The following CCDC81 variants were observed in gnomAD, a reference collection of about 807,000 sequenced individuals.
The protein encoded by CCDC81 is coiled-coil domain containing 81.
In CCDC81, 79 loss-of-function variants were observed where a neutral mutation model predicts 83.7. The ratio of observed to expected loss-of-function variants is 0.94; its 90% confidence interval spans 0.79 to 1.14. CCDC81 has a LOEUF of 1.14. CCDC81 is among the 50% of genes most tolerant of loss of function. The pLI is 0.00. For synonymous variants in CCDC81, 252 were observed against 278.1 expected, an observed-to-expected ratio of 0.91 and a Z score of 0.93; for missense variants, 791 against 778.1, an observed-to-expected ratio of 1.02 and a Z score of -0.20.
At chr11:86,420,988 A>C (rs747945645) in intron 14 of CCDC81, among the ~76,000 whole-genome samples, 6 of 152,168 alleles carry the variant, frequency 3.9e-5, no homozygotes, top group Non-Finnish European at 5.9e-5. Context: ...AGTTGTGTCT[A>C]GGAAGAGTGC....
intron 6 of CCDC81, among the ~76,000 whole-genome samples, 189 bp from the exon 7 acceptor site, chr11:86,400,489 A>G (rs540828085): frequency 6.6e-6 from 1 of 152,304 alleles, no homozygotes. Flanking sequence ...TGTCCTCTAA[A>G]TGCTTAGCAC....
intron 3 of CCDC81, among the ~76,000 whole-genome samples, chr11:86,392,288 A>T (rs551611594): frequency 1.3e-5 from 2 of 152,344 alleles, no homozygotes; most frequent in East Asian, 3.9e-4. Flanking sequence ...CTACAGTGTT[A>T]TTTAGAAAGC....
intron 3 of CCDC81, among the ~76,000 whole-genome samples, chr11:86,388,215 TC>T (rs1398401911): frequency 7.3e-6 from 1 of 137,662 alleles, no homozygotes; most frequent in Non-Finnish European, 1.6e-5. Context: ...CTTCCCTCCT[TC>T]CTTCCTTCCT....
intron 10 of CCDC81, among the ~76,000 whole-genome samples, chr11:86,409,892 TTAA>T (rs1948617925): frequency 1.3e-5 from 2 of 152,200 alleles, no homozygotes; most frequent in Non-Finnish European, 1.5e-5. Flanking sequence ...GCAGGTCTTG[TTAA>T]TTATGGTAAT....
intron 1 of CCDC81, among the ~76,000 whole-genome samples, chr11:86,381,602 T>C (rs1247918323): frequency 1.3e-5 from 2 of 152,200 alleles, no homozygotes; most frequent in Non-Finnish European, 2.9e-5. Flanking sequence ...GTGAGTCCGT[T>C]TCAGGAAGCC....
intron 4 of CCDC81, among the ~76,000 whole-genome samples, chr11:86,393,554 T>C (rs970378705): frequency 6.6e-6 from 1 of 152,254 alleles, no homozygotes; most frequent in Non-Finnish European, 1.5e-5. Flanking sequence ...TTGCTGGTTC[T>C]ACTATTTTAT....
At chr11:86,398,924 C>T (rs1317193499) in intron 6 of CCDC81, among the ~76,000 whole-genome samples, 7 of 152,146 alleles carry the variant, frequency 4.6e-5, no homozygotes, top group Non-Finnish European at 1.0e-4. Context: ...GCTTGCCAGG[C>T]CACACTTTGA....
In CCDC81 at chr11:86,397,601, A is replaced by G. The variant is rs368937648; in HGVS notation, c.636-20A>G. The G allele has an allele frequency of 6.2e-7, 1 of 1,602,460 alleles. No homozygotes were observed. Among genetic ancestry groups the G allele is most frequent in the African/African-American group, 1.3e-5 (1 of 74,184 alleles). On this transcript the variant is annotated intron_variant, in intron 5 of 14. Coordinates refer to ENST00000445632, the MANE Select transcript of CCDC81 (RefSeq NM_001156474.2). ...TGTTCAGGTTCAGTGCAGCAGAAAA[A>G]CATATTGGCTCATTCCTAGGATTGA...
rs199722578 is a variant in CCDC81, at chr11:86,414,785, C to A, written c.1392-4C>A. 2.7e-5 allele frequency: 43 copies of A among 1,604,244 alleles called. No individual in the cohort carries two copies. The highest frequency in any genetic ancestry group is 8.7e-5 in the Admixed American group (5 of 57,574). ...GTCCATCTTCTCTTGTTCTTAACTG[C>A]CAGACTTGCTGCGCAAAGAGCGAAA... On this transcript the variant is annotated splice_region_variant and splice_polypyrimidine_tract_variant and intron_variant, in intron 11 of 14. Transcript: ENST00000445632.
intron 12 of CCDC81, 32 bp downstream of exon 12, chr11:86,414,899 T>G (rs1016936129): frequency 2.0e-6 from 3 of 1,526,428 alleles, no homozygotes; most frequent in Non-Finnish European, 2.7e-6. Context: ...ATTTTTAAAA[T>G]TATGCAATGC....
intron 1 of CCDC81, among the ~76,000 whole-genome samples, chr11:86,377,260 CTG>C (rs1948109971): frequency 1.3e-5 from 2 of 151,850 alleles, no homozygotes; most frequent in South Asian, 4.2e-4. Context: ...TTTTAAATAT[CTG>C]TGTGCAGGTT....
At chr11:86,388,210 C>CTCCTTCCCTCCTTCCT (rs1555190677) in intron 3 of CCDC81, among the ~76,000 whole-genome samples, 2 of 144,296 alleles carry the variant, frequency 1.4e-5, no homozygotes, top group African/African-American at 2.6e-5. Flanking sequence ...CCCTCCTTCC[C>CTCCTTCCCTCCTTCCT]TCCTTCCTTC....
At chr11:86,419,683 A>C (rs1232160415) in intron 13 of CCDC81, 26 of 306,074 alleles carry the variant, frequency 8.5e-5, no homozygotes. Context: ...GAAGTTGTTA[A>C]CTGGAAAAAG....
At chr11:86,407,967 T>A in intron 8 of CCDC81, among the ~76,000 whole-genome samples, 160 bp from the exon 9 acceptor site, 1 of 152,262 alleles carries the variant, frequency 6.6e-6, no homozygotes, top group Non-Finnish European at 1.5e-5. Flanking sequence ...CTTTAGAGTA[T>A]TTCTGGGGTC....
At chr11:86,378,865 T>C (rs897125249) in intron 1 of CCDC81, among the ~76,000 whole-genome samples, 7 of 152,186 alleles carry the variant, frequency 4.6e-5, no homozygotes, top group African/African-American at 1.7e-4. Context: ...TAGATTTAGA[T>C]TGGGTTTCTT....
At chr11:86,377,968 C>CTGTTTTTTT (rs1948120504) in intron 1 of CCDC81, among the ~76,000 whole-genome samples, 2 of 73,346 alleles carry the variant, frequency 2.7e-5, no homozygotes, top group East Asian at 5.4e-4. Context: ...TGCCTAGGTT[C>CTGTTTTTTT]TTTTTTTTTT....
At chr11:86,405,210 A>AT (rs1198940106) in intron 7 of CCDC81, among the ~76,000 whole-genome samples, 8 of 151,820 alleles carry the variant, frequency 5.3e-5, no homozygotes, top group African/African-American at 1.5e-4. Flanking sequence ...CATGTCTAGG[A>AT]TTTTTTTTGG....
intron 14 of CCDC81, among the ~76,000 whole-genome samples, chr11:86,420,821 G>C (rs575990127): frequency 2.0e-5 from 3 of 152,286 alleles, no homozygotes; most frequent in Admixed American, 6.5e-5. Flanking sequence ...TTGTGACAAT[G>C]AAAGTATGAG....
Position 86,392,768 on chromosome 11 carries a change from AG to A in CCDC81, c.527del (p.Ser176MetfsTer8). ...AGACTTCCTTTGTACCATGGATGGA[AG>A]TGGGGCTTTGGCAAAGGCCCTAGCA... ...YKDFLCTMDGSGALAKALANR... is the reference protein window; with the variant it reads ...YKDFLCTMDGXGALAKALANR... On this transcript the variant is annotated frameshift_variant, in exon 4 of 15. Transcript: ENST00000445632. LOFTEE classifies it high-confidence loss of function. The A allele has an allele frequency of 6.4e-7, 1 of 1,551,466 alleles. No individual in the cohort carries two copies.
Sources: gnomAD v4.1 joint callset for allele counts (sites outside exome capture counted in the v4.1 genomes callset) on GRCh38, gnomAD v4.1.1 for gene constraint, MANE v1.5 for transcripts, NCBI Gene and HGNC (gene_info 2026-07-23, HGNC 2026-07-21) for gene names.